The following C17orf67 variants were observed in gnomAD, a reference collection of about 807,000 sequenced individuals.
The protein encoded by C17orf67 is uncharacterized protein C17orf67.
In C17orf67, 12 loss-of-function variants were observed where a neutral mutation model predicts 11.2. The observed-to-expected ratio is 1.07, with a 90% CI of 0.68 to 1.73. The LOEUF is 1.73. Ranked by LOEUF, C17orf67 falls within the 40% of genes most tolerant of loss-of-function variation. C17orf67 has a pLI of 0.00. For synonymous variants in C17orf67, 59 were observed against 46.9 expected (o/e 1.26, Z -1.05); for missense variants, 115 against 113.5 (o/e 1.01, Z -0.06).
chr17:56,796,746 C>T (rs908868957), intron 6 of C17orf67, among the ~76,000 whole-genome samples: 5 of 152,084 alleles, frequency 3.3e-5, no homozygotes, highest in African/African-American at 1.2e-4. Context: ...CACCATTGTC[C>T]ACCAAGGCTG....
intron 6 of C17orf67, among the ~76,000 whole-genome samples, chr17:56,808,077 T>C (rs1205710890): frequency 6.6e-6 from 1 of 152,056 alleles, no homozygotes; most frequent in African/African-American, 2.4e-5. Context: ...TCTCTGAAAA[T>C]GTGGGGTCAA....
At chr17:56,811,288 T>C (rs1290388259) in intron 6 of C17orf67, among the ~76,000 whole-genome samples, 1 of 152,198 alleles carries the variant, frequency 6.6e-6, no homozygotes, top group Non-Finnish European at 1.5e-5. Flanking sequence ...GGAAGTGACT[T>C]ACCCAAAGTC....
In C17orf67 at chr17:56,831,787, C is replaced by T. The variant is rs534117634; in HGVS notation, c.-557+1111G>A. On this transcript the variant is annotated intron_variant, in intron 2 of 7. Coordinates refer to ENST00000397861, the MANE Select transcript of C17orf67 (RefSeq NM_001085430.4). The stretch of plus-strand genomic sequence containing the variant: ...GGTCCACGTGCCATGTACATACGTA[C>T]GACTGATGAAGATCCCCTCCTTGAC... Among the ~76,000 whole-genome samples the T allele has an allele frequency of 3.3e-5, 5 of 152,238 alleles. No individual in the cohort carries two copies. In the East Asian group the frequency reaches 5.8e-4, roughly 18 times the overall value.
chr17:56,829,148 C>T (rs571284929), intron 2 of C17orf67, among the ~76,000 whole-genome samples: 58 of 152,098 alleles, frequency 3.8e-4, no homozygotes, highest in Admixed American at 4.6e-4. Flanking sequence ...TGGTGGCGGG[C>T]GCCTGTAATC....
At chr17:56,798,629 A>C (rs1905256114) in intron 6 of C17orf67, among the ~76,000 whole-genome samples, 1 of 151,476 alleles carries the variant, frequency 6.6e-6, no homozygotes, top group South Asian at 2.1e-4. Context: ...GGAGTTCGAG[A>C]CCAGCCTGGG....
At chr17:56,805,504 C>T (rs1243795029) in intron 6 of C17orf67, among the ~76,000 whole-genome samples, 1 of 152,196 alleles carries the variant, frequency 6.6e-6, no homozygotes, top group Non-Finnish European at 1.5e-5. Flanking sequence ...AATCATGTTC[C>T]CATGATATCT....
chr17:56,811,097 G>C (rs1905613492), intron 6 of C17orf67, among the ~76,000 whole-genome samples: 1 of 152,158 alleles, frequency 6.6e-6, no homozygotes. Flanking sequence ...GCTTGGGTTG[G>C]TATCCTGCTG....
At chr17:56,825,756 G>A (rs1391408745) in intron 2 of C17orf67, among the ~76,000 whole-genome samples, 2 of 152,054 alleles carry the variant, frequency 1.3e-5, no homozygotes, top group Non-Finnish European at 2.9e-5. Context: ...ATAAGAGCCA[G>A]ATAGACACTA....
At chr17:56,820,002 CTTTTA>C (rs1455973690) in intron 4 of C17orf67, among the ~76,000 whole-genome samples, 1 of 106,596 alleles carries the variant, frequency 9.4e-6, no homozygotes, top group Non-Finnish European at 2.0e-5. Flanking sequence ...TATTTCCGTA[CTTTTA>C]TTTTAATTGA....
chr17:56,829,557 C>G (rs1047404035), intron 2 of C17orf67, among the ~76,000 whole-genome samples: 2 of 152,178 alleles, frequency 1.3e-5, no homozygotes, highest in Non-Finnish European at 2.9e-5. Flanking sequence ...CCCCTCCACT[C>G]AGGCCTCCAG....
chr17:56,810,464 C>T (rs1245033513), intron 6 of C17orf67, among the ~76,000 whole-genome samples: 2 of 152,056 alleles, frequency 1.3e-5, no homozygotes, highest in Non-Finnish European at 2.9e-5. Context: ...ACCCCTCACA[C>T]ACATTCACAC....
intron 4 of C17orf67, among the ~76,000 whole-genome samples, chr17:56,821,394 G>C (rs1315543993): frequency 1.3e-5 from 2 of 152,026 alleles, no homozygotes; most frequent in Non-Finnish European, 2.9e-5. Flanking sequence ...AGTATAGTTG[G>C]TAGACTAGAC....
intron 4 of C17orf67, among the ~76,000 whole-genome samples, chr17:56,821,638 A>G (rs1005688390): frequency 2.0e-5 from 3 of 152,212 alleles, no homozygotes; most frequent in African/African-American, 7.2e-5. Flanking sequence ...AAATAGACAT[A>G]GGAAATATGT....
Position 56,806,196 on chromosome 17 carries a change from G to A in C17orf67, c.156+8673C>T, listed in dbSNP as rs181746864. ...TCACTATGTTAGCCAGGATGGTCTC[G>A]ATCTCCTGACCTCATGATCCGGCCG... On this transcript the variant is annotated intron_variant, in intron 6 of 7. Transcript: ENST00000397861. 8.9e-3 allele frequency among the ~76,000 whole-genome samples: 1,359 copies of A among 151,870 alleles called. 16 individuals carry two copies. The highest frequency in any genetic ancestry group is 0.021 in the African/African-American group (859 of 41,428).
At chr17:56,798,054 T>C (rs1905245469) in intron 6 of C17orf67, among the ~76,000 whole-genome samples, 1 of 152,028 alleles carries the variant, frequency 6.6e-6, no homozygotes, top group African/African-American at 2.4e-5. Context: ...CTGAAGGTGG[T>C]TCATCATATC....
chr17:56,815,758 G>A lies in C17orf67; in HGVS notation c.53C>T (p.Ser18Leu), dbSNP rs188129333. 2.2e-5 allele frequency: 35 copies of A among 1,610,128 alleles called. No homozygotes were observed. The East Asian group carries it at 2.5e-4, about 11-fold the overall frequency. The change falls in exon 5 of 8, where the codon TCA becomes TTA. Residue 18 changes from serine (S) to leucine (L), a missense_variant and splice_region_variant. Physicochemically the swap from Ser to Leu is moderately radical, Grantham distance 145. Transcript: ENST00000397861. Reference sequence around the variant, plus strand: ...CTGTTTTTGGAGTCAGTGCCCACCTGAGAAGACAGTCAGTAAGGTAAGAGA... The same window carrying A: ...CTGTTTTTGGAGTCAGTGCCCACCTAAGAAGACAGTCAGTAAGGTAAGAGA... ...VLSLTLLTVF[S>L]ETSPILTEKQ...
intron 4 of C17orf67, among the ~76,000 whole-genome samples, chr17:56,824,121 C>T (rs909771161): frequency 3.3e-5 from 5 of 152,140 alleles, no homozygotes; most frequent in East Asian, 1.9e-4. Context: ...CACGGGAGCA[C>T]CACCCTCCTG....
At chr17:56,801,873 C>T (rs1158732888) in intron 6 of C17orf67, among the ~76,000 whole-genome samples, 1 of 152,192 alleles carries the variant, frequency 6.6e-6, no homozygotes, top group Non-Finnish European at 1.5e-5. Flanking sequence ...GGAAGCAGCA[C>T]ACTGAAGGAA....
At chr17:56,817,605 C>G (rs997855866) in intron 4 of C17orf67, among the ~76,000 whole-genome samples, 1 of 152,102 alleles carries the variant, frequency 6.6e-6, no homozygotes, top group African/African-American at 2.4e-5. Flanking sequence ...AAGTGTGCAT[C>G]TCCATGCCCA....
Sources: allele counts gnomAD v4.1 joint callset (sites outside exome capture counted in the v4.1 genomes callset), GRCh38; gene constraint gnomAD v4.1.1; transcripts MANE v1.5; gene names NCBI Gene and HGNC (gene_info 2026-07-23, HGNC 2026-07-21).